The following HERC4 variants were observed in gnomAD, a reference collection of about 807,000 sequenced individuals.
The protein encoded by HERC4 is probable E3 ubiquitin-protein ligase HERC4.
In HERC4, 28 loss-of-function variants were observed where a neutral mutation model predicts 124.3. The ratio of observed to expected loss-of-function variants is 0.23; its 90% CI spans 0.17 to 0.31. The LOEUF (loss-of-function observed/expected upper bound fraction) is 0.31. Among genes scored for constraint, HERC4 ranks in the 10% least tolerant of loss-of-function variants. The pLI is 1.00. For synonymous variants in HERC4, 407 were observed against 421.5 expected (o/e 0.97, Z 0.42); for missense variants, 713 against 1,229.3 (o/e 0.58, Z 6.28).
chr10:68,027,619 G>A (rs1427905975), intron 7 of HERC4, among the ~76,000 whole-genome samples: 1 of 152,174 alleles, frequency 6.6e-6, no homozygotes, highest in African/African-American at 2.4e-5. Context: ...CTTTGTTAGT[G>A]AAGTTAAAAA....
chr10:68,007,936 C>G (rs2037676977), intron 9 of HERC4: 1 of 152,290 alleles, frequency 6.6e-6, no homozygotes, highest in Non-Finnish European at 1.5e-5. Flanking sequence ...ACATTACAGC[C>G]CAGAGCTCCT....
chr10:67,923,015 A>G lies in HERC4; in HGVS notation c.3066T>C (p.Asp1022=), dbSNP rs1230827952. 1 of 1,613,862 alleles carries G rather than the reference A, an allele frequency of 6.2e-7. No homozygotes were observed. Among genetic ancestry groups the G allele is most frequent in the Admixed American group, 1.7e-5 (1 of 60,026 alleles). Residue 1022 remains aspartate, a synonymous_variant, in exon 25 of 25, where the codon GAT becomes GAC. Coordinates refer to ENST00000373700, the MANE Select transcript of HERC4 (RefSeq NM_015601.4). Reference sequence around the variant, plus strand: ...TTTCTTTTTCTGTATATTTTGGAAGATCCAGAAGATTAAAACAAGTATGGG... The same window carrying G: ...TTTCTTTTTCTGTATATTTTGGAAGGTCCAGAAGATTAAAACAAGTATGGG... ...PVSHTCFNLL[D]LPKYTEKETL...
intron 3 of HERC4, among the ~76,000 whole-genome samples, chr10:68,070,954 A>T (rs1409955496): frequency 6.6e-6 from 1 of 152,234 alleles, no homozygotes; most frequent in East Asian, 1.9e-4. Flanking sequence ...TCCTAGGCTC[A>T]AAGTGCATGG....
chr10:68,069,718 T>G, intron 3 of HERC4: 3 of 985,482 alleles, frequency 3.0e-6, no homozygotes, highest in Non-Finnish European at 3.6e-6. Flanking sequence ...GTTCCCTCCA[T>G]TCCATGTGCT....
chr10:68,046,264 C>T (rs2040008265), intron 3 of HERC4, among the ~76,000 whole-genome samples: 1 of 152,164 alleles, frequency 6.6e-6, no homozygotes, highest in Non-Finnish European at 1.5e-5. Flanking sequence ...GTCAAGTTCT[C>T]TCCAGAACAA....
intron 20 of HERC4, 48 bp from the exon 21 acceptor site, chr10:67,939,702 T>A (rs1279600568): frequency 9.1e-7 from 1 of 1,093,218 alleles, no homozygotes; most frequent in Non-Finnish European, 1.4e-6. Context: ...TATTGGATAT[T>A]TTGACTATTT....
At chr10:68,035,380 ACTC>A (rs1324335428) in intron 5 of HERC4, among the ~76,000 whole-genome samples, 1 of 151,950 alleles carries the variant, frequency 6.6e-6, no homozygotes, top group Non-Finnish European at 1.5e-5. Flanking sequence ...CTGGTCTCGA[ACTC>A]CTGACCTAGT....
intron 7 of HERC4, among the ~76,000 whole-genome samples, 176 bp downstream of exon 7, chr10:68,032,602 A>G (rs1447854218): frequency 6.6e-6 from 1 of 152,212 alleles, no homozygotes; most frequent in Non-Finnish European, 1.5e-5. Context: ...ATAAAACAAC[A>G]TTGAAAAATA....
intron 3 of HERC4, among the ~76,000 whole-genome samples, chr10:68,045,090 G>A (rs2039953994): frequency 6.6e-6 from 1 of 152,222 alleles, no homozygotes; most frequent in African/African-American, 2.4e-5. Flanking sequence ...GGAGGCCAAG[G>A]AGGGCGGATC....
At chr10:67,927,171 T>C (rs1468405092) in intron 23 of HERC4, among the ~76,000 whole-genome samples, 3 of 152,002 alleles carry the variant, frequency 2.0e-5, no homozygotes, top group African/African-American at 7.3e-5. Flanking sequence ...ATTCAACTGT[T>C]TGAATTAAAG....
intron 24 of HERC4, 112 bp downstream of exon 24, chr10:67,924,973 T>G: frequency 1.6e-6 from 1 of 613,948 alleles, no homozygotes. Context: ...TACTGAAGAG[T>G]GCAGATAGTT....
intron 7 of HERC4, among the ~76,000 whole-genome samples, chr10:68,031,824 A>G (rs916573239): frequency 6.6e-6 from 1 of 151,932 alleles, no homozygotes; most frequent in African/African-American, 2.4e-5. Context: ...TGTGATCTCA[A>G]CTCACTGCAA....
rs113631398 is a variant in HERC4, at chr10:68,013,323, A to G, written c.1069+703T>C. Among the ~76,000 whole-genome samples, 784 of 152,326 alleles carry G rather than the reference A, an allele frequency of 5.1e-3. 3 individuals carry two copies. The highest frequency in any genetic ancestry group is 0.017 in the African/African-American group (725 of 41,576). On this transcript the variant is annotated intron_variant, in intron 9 of 24. Transcript: ENST00000373700. ...TTTATTACGATATTTGCTTTATTGCACTATTTGCTTCATTGCAGTGGTCTG... is the reference window on the plus strand; with the variant it reads ...TTTATTACGATATTTGCTTTATTGCGCTATTTGCTTCATTGCAGTGGTCTG...
intron 3 of HERC4, among the ~76,000 whole-genome samples, chr10:68,050,684 T>C (rs901815840): frequency 1.3e-5 from 2 of 152,212 alleles, no homozygotes; most frequent in African/African-American, 4.8e-5. Context: ...TATCTATTTT[T>C]TTCCAAATGG....
chr10:68,025,775 T>G, intron 7 of HERC4, 99 bp from the exon 8 acceptor site: 1 of 1,236,896 alleles, frequency 8.1e-7, no homozygotes, highest in Non-Finnish European at 1.1e-6. Context: ...AAACTCAGTT[T>G]TTTCTCTTCT....
At chr10:67,933,517 C>T (rs766080602) in intron 22 of HERC4, among the ~76,000 whole-genome samples, 10 of 152,074 alleles carry the variant, frequency 6.6e-5, no homozygotes, top group Non-Finnish European at 1.2e-4. Context: ...AGAATGGATA[C>T]TAGAAGATTT....
Position 68,044,534 on chromosome 10 carries a change from T to C in HERC4, c.256A>G (p.Ile86Val). The part of the protein sequence containing the change: ...EQVVALDAQN[I>V]VAVSCGEAHT... The stretch of plus-strand genomic sequence containing the variant: ...GCTTCTCCACATGAAACAGCTACAA[T>C]ATTTTGGGCATCCAGGGCAACAACC... The change falls in exon 4 of 25, where the codon ATT becomes GTT. Residue 86 changes from isoleucine (I) to valine (V), a missense_variant. By Grantham distance (29) the Ile-to-Val change is conservative (BLOSUM62 3). Transcript: ENST00000373700. 6.2e-7 allele frequency: 1 copy of C among 1,614,022 alleles called. No homozygotes were observed. The highest frequency in any genetic ancestry group is 1.1e-5 in the South Asian group (1 of 91,066).
chr10:68,005,095 C>T (rs2037459122), intron 9 of HERC4, among the ~76,000 whole-genome samples: 1 of 152,130 alleles, frequency 6.6e-6, no homozygotes, highest in Admixed American at 6.6e-5. Context: ...GAATTTATTT[C>T]TGAGTTCTCT....
intron 3 of HERC4, among the ~76,000 whole-genome samples, chr10:68,065,890 TTACAC>T (rs879591311): frequency 0.018 from 2,768 of 152,154 alleles, 41 homozygotes; most frequent in Middle Eastern, 0.034. Flanking sequence ...GTCTGTATAA[TTACAC>T]ACAGCATAGG....
Sources: gnomAD v4.1 joint callset for allele counts (sites outside exome capture counted in the v4.1 genomes callset) on GRCh38, gnomAD v4.1.1 for gene constraint, MANE v1.5 for transcripts, NCBI Gene and HGNC (gene_info 2026-07-23, HGNC 2026-07-21) for gene names.